Variants in ADCY9 observed in about 807,000 individuals in gnomAD.
The protein encoded by ADCY9 is adenylate cyclase 9.
ADCY9 carries 50 observed loss-of-function variants against 101.5 expected under a neutral mutation model. That is an observed-to-expected ratio of 0.49 (90% CI 0.39 to 0.62). The LOEUF (loss-of-function observed/expected upper bound fraction) is 0.62. ADCY9 is among the 20% of genes least tolerant of loss of function. The pLI, the probability that ADCY9 is intolerant of heterozygous loss-of-function variation, is 0.00. For missense variants in ADCY9, 1,662 were observed against 1,800.4 expected (o/e 0.92, Z 1.39); for synonymous variants, 905 against 769.3 (o/e 1.18, Z -2.92).
rs762632067 is a variant in ADCY9, at chr16:3,992,163, G to A, written c.2190C>T (p.Asp730=). 4.6e-5 allele frequency: 74 copies of A among 1,614,030 alleles called. No homozygotes were observed. The highest frequency in any genetic ancestry group is 4.0e-4 in the East Asian group (18 of 44,890). The part of the protein sequence containing the change: ...IREKTDAHFV[D]VIKEDSLMKD... ...AGTCGTACCTGTCTTCTTTGATAAC[G>A]TCCACAAAGTGGGCGTCCGTTTTCT... The change falls in exon 5 of 11, where the codon GAC becomes GAT. Residue 730 remains aspartate, a synonymous_variant. Coordinates refer to ENST00000294016, the MANE Select transcript of ADCY9 (RefSeq NM_001116.4). The surrounding 1 kb of genome is among the most constrained non-coding windows in gnomAD (Gnocchi z 4.2).
rs528416094 is a variant in ADCY9, at chr16:3,965,662, A to G, written c.*113T>C. On this transcript the variant is annotated 3_prime_UTR_variant, in exon 11 of 11. Coordinates refer to ENST00000294016, the MANE Select transcript of ADCY9 (RefSeq NM_001116.4). Reference sequence around the variant, plus strand: ...CAGAAGTTAGGGCTGAAATGACCACATAACACCACGTCCGGGGAGGGCAAC... The same window carrying G: ...CAGAAGTTAGGGCTGAAATGACCACGTAACACCACGTCCGGGGAGGGCAAC... 67 of 937,730 alleles carry G rather than the reference A, an allele frequency of 7.1e-5. No individual in the cohort carries two copies. Among genetic ancestry groups the G allele is most frequent in the Middle Eastern group, 3.1e-4 (1 of 3,206 alleles). 58.1% of individuals were successfully genotyped at this position (937,730 alleles called of 1,614,324 possible).
At chr16:4,018,374 G>A (rs1444853122) in intron 2 of ADCY9, among the ~76,000 whole-genome samples, 4 of 151,950 alleles carry the variant, frequency 2.6e-5, no homozygotes, top group East Asian at 1.9e-4. Flanking sequence ...CACCATGCCC[G>A]GCTAATTTTT....
intron 2 of ADCY9, among the ~76,000 whole-genome samples, chr16:4,103,686 C>T (rs566562177): frequency 1.3e-3 from 204 of 152,238 alleles, no homozygotes; most frequent in Admixed American, 0.012. Flanking sequence ...AAAAATTAGC[C>T]GGGCGTGGTG....
intron 3 of ADCY9, among the ~76,000 whole-genome samples, chr16:3,997,401 C>A (rs2141709558): frequency 6.6e-6 from 1 of 152,358 alleles, no homozygotes; most frequent in East Asian, 1.9e-4. Flanking sequence ...TGAGGCTGAG[C>A]TCTGGGGGCC....
At position 4,031,766 on chromosome 16, in the gene ADCY9, C is replaced by A. The variant is rs116713018; in HGVS notation, c.1694-24208G>T. 4.2e-3 allele frequency among the ~76,000 whole-genome samples: 635 copies of A among 151,746 alleles called. 2 individuals carry two copies. The highest frequency in any genetic ancestry group is 0.014 in the African/African-American group (561 of 41,362). ...GTGGTGCACACCTGTAGTTCCAGTT[C>A]CTCAGGGGGCAGAGGTGAGAGGATC... is the stretch of plus-strand genomic sequence containing the variant. On this transcript the variant is annotated intron_variant, in intron 2 of 10. Transcript: ENST00000294016.
intron 2 of ADCY9, among the ~76,000 whole-genome samples, chr16:4,106,683 T>C (rs2057079389): frequency 6.6e-6 from 1 of 152,142 alleles, no homozygotes; most frequent in Non-Finnish European, 1.5e-5. Context: ...AATACTAAAA[T>C]CACCAACCAA....
intron 7 of ADCY9, 47 bp from the exon 8 acceptor site, chr16:3,979,322 G>A (rs1369767753): frequency 1.2e-6 from 2 of 1,603,666 alleles, no homozygotes; most frequent in Non-Finnish European, 1.7e-6. Flanking sequence ...CCCGGGGTGG[G>A]TCATCGGCCA....
At position 3,994,645 on chromosome 16, in the gene ADCY9, AC is replaced by A. The variant is rs535108221; in HGVS notation, c.1885-1136del. ...TACTTGTTTTGTGTTTTTAGTAGAA[AC>A]GGGGTTTCGCCATGTTGGCCAGGCT... On this transcript the variant is annotated intron_variant, in intron 3 of 10. Coordinates refer to ENST00000294016, the MANE Select transcript of ADCY9 (RefSeq NM_001116.4). 5.1e-3 allele frequency among the ~76,000 whole-genome samples: 780 copies of A among 152,258 alleles called. 5 individuals are homozygous for A. The highest frequency in any genetic ancestry group is 7.6e-3 in the Non-Finnish European group (515 of 68,024).
intron 2 of ADCY9, among the ~76,000 whole-genome samples, chr16:4,033,504 G>A (rs1177820069): frequency 6.7e-6 from 1 of 148,668 alleles, no homozygotes; most frequent in African/African-American, 2.5e-5. Flanking sequence ...TGTAATCTTG[G>A]CTCACTGCAA....
chr16:4,094,056 A>C (rs2056988793), intron 2 of ADCY9, among the ~76,000 whole-genome samples: 1 of 152,236 alleles, frequency 6.6e-6, no homozygotes, highest in African/African-American at 2.4e-5. Context: ...ATCAGCCCTG[A>C]AAGTGTTCCT....
intron 2 of ADCY9, among the ~76,000 whole-genome samples, chr16:4,106,483 C>G (rs1188559159): frequency 6.6e-6 from 1 of 152,172 alleles, no homozygotes; most frequent in East Asian, 1.9e-4. Flanking sequence ...CACAAAATTC[C>G]CTCCAGGGAT....
chr16:4,019,017 C>T (rs759851967), intron 2 of ADCY9, among the ~76,000 whole-genome samples: 7 of 132,902 alleles, frequency 5.3e-5, no homozygotes, highest in Non-Finnish European at 1.2e-4. Flanking sequence ...TCTCTGTCAC[C>T]CAGGCTGCAG....
At chr16:3,969,693 C>T (rs1053452185) in intron 10 of ADCY9, among the ~76,000 whole-genome samples, 1 of 143,666 alleles carries the variant, frequency 7.0e-6, no homozygotes, top group Non-Finnish European at 1.5e-5. Context: ...TAGCTCACTG[C>T]AGCTTTGACC....
chr16:4,003,199 G>A (rs1278708080), intron 3 of ADCY9, among the ~76,000 whole-genome samples: 2 of 152,100 alleles, frequency 1.3e-5, no homozygotes, highest in Non-Finnish European at 2.9e-5. Flanking sequence ...ACTTGGTTAC[G>A]GCCGAGAGCA....
intron 2 of ADCY9, among the ~76,000 whole-genome samples, chr16:4,010,954 C>T (rs1241527002): frequency 1.3e-5 from 2 of 152,216 alleles, no homozygotes; most frequent in Non-Finnish European, 2.9e-5. Context: ...TCCCCAGACA[C>T]CTGAACCTGC....
At chr16:3,958,533 C>A, downstream of ADCY9, among the ~76,000 whole-genome samples, 1 of 101,928 alleles carries the variant, frequency 9.8e-6, no homozygotes, top group Non-Finnish European at 1.9e-5. Flanking sequence ...AAGAGTGAAA[C>A]TCCGTCTCAA....
intron 3 of ADCY9, among the ~76,000 whole-genome samples, chr16:3,996,637 G>A (rs2056289036): frequency 6.6e-6 from 1 of 152,180 alleles, no homozygotes; most frequent in African/African-American, 2.4e-5. Flanking sequence ...AAAGCCCGAA[G>A]TGCAAGTGCG....
At chr16:4,053,739 A>G (rs1002665788) in intron 2 of ADCY9, among the ~76,000 whole-genome samples, 1 of 152,222 alleles carries the variant, frequency 6.6e-6, no homozygotes, top group Non-Finnish European at 1.5e-5. Context: ...GAGGCCTGGG[A>G]CGCAGCCAGT....
intron 2 of ADCY9, among the ~76,000 whole-genome samples, chr16:4,046,255 C>G (rs909289805): frequency 7.2e-5 from 11 of 151,998 alleles, no homozygotes; most frequent in African/African-American, 2.7e-4. Context: ...CCACGGCACA[C>G]AGTGCCCAGC....
Sources: gnomAD v4.1 joint callset for allele counts (sites outside exome capture counted in the v4.1 genomes callset) on GRCh38, gnomAD v4.1.1 for gene constraint, Gnocchi (gnomAD v3.1) non-coding constraint, MANE v1.5 for transcripts, NCBI Gene and HGNC (gene_info 2026-07-23, HGNC 2026-07-21) for gene names.